FUT8: variants seen among roughly 807,000 people sequenced by gnomAD.
FUT8 encodes the protein alpha-(1,6)-fucosyltransferase.
FUT8 carries 29 observed loss-of-function variants against 71.3 expected under a neutral mutation model. That is an observed-to-expected ratio of 0.41 (90% CI 0.30 to 0.55). The LOEUF (loss-of-function observed/expected upper bound fraction) is 0.55. Ranked by LOEUF, FUT8 falls within the 20% of genes least tolerant of loss-of-function variation. The pLI is 0.34. For synonymous variants in FUT8, 254 were observed against 239.3 expected, an observed-to-expected ratio of 1.06 and a Z score of -0.57; for missense variants, 544 against 702.1, an observed-to-expected ratio of 0.77 and a Z score of 2.55.
intron 2 of FUT8, among the ~76,000 whole-genome samples, chr14:65,518,069 C>G (rs1882831438): frequency 6.6e-6 from 1 of 152,110 alleles, no homozygotes; most frequent in Admixed American, 6.5e-5. Flanking sequence ...CAGAATAAGT[C>G]TTTTATGAAT....
intron 1 of FUT8, among the ~76,000 whole-genome samples, chr14:65,444,209 A>G (rs976691691): frequency 1.3e-5 from 2 of 152,224 alleles, no homozygotes; most frequent in African/African-American, 2.4e-5. Context: ...ACATAAACCT[A>G]TTTATCCAGT....
chr14:65,688,781 G>C (rs904680066), intron 7 of FUT8, among the ~76,000 whole-genome samples: 5 of 152,164 alleles, frequency 3.3e-5, no homozygotes, highest in Non-Finnish European at 7.3e-5. Context: ...GTAAGAAACT[G>C]CCAAATTATC....
At chr14:65,640,785 C>A (rs1461706668) in intron 6 of FUT8, among the ~76,000 whole-genome samples, 2 of 152,064 alleles carry the variant, frequency 1.3e-5, no homozygotes, top group Non-Finnish European at 2.9e-5. Flanking sequence ...GTGCTATACT[C>A]CAGAGCCTGG....
intron 3 of FUT8, among the ~76,000 whole-genome samples, chr14:65,615,487 C>A (rs1401873216): frequency 6.6e-6 from 1 of 152,122 alleles, no homozygotes; most frequent in East Asian, 1.9e-4. Context: ...AGTCTAATGT[C>A]ATGAATTGAA....
intron 1 of FUT8, among the ~76,000 whole-genome samples, chr14:65,423,597 C>T (rs891395827): frequency 3.9e-5 from 6 of 152,142 alleles, no homozygotes; most frequent in Admixed American, 6.6e-5. Flanking sequence ...TCTGGAAAGT[C>T]GTCTGCTGCC....
chr14:65,560,214 GC>G (rs11285953), intron 2 of FUT8, among the ~76,000 whole-genome samples: 18,637 of 151,910 alleles, frequency 0.12, 1,427 homozygotes, highest in East Asian at 0.34. Context: ...GTGGTCAAGT[GC>G]CCCTCACATT....
rs535081259 is a variant in FUT8, at chr14:65,594,003, C to T, written c.204-21975C>T. ...GGGATTACAGGCATGAGCCACTGCT[C>T]CCGGCCTAAGATGTGCTTTCTAACA... On this transcript the variant is annotated intron_variant, in intron 3 of 10. Transcript: ENST00000673929. 1.7e-4 allele frequency among the ~76,000 whole-genome samples: 26 copies of T among 152,366 alleles called. No individual in the cohort carries two copies. In the South Asian group the frequency reaches 5.4e-3, roughly 32 times the overall value.
intron 1 of FUT8, among the ~76,000 whole-genome samples, chr14:65,419,828 A>G (rs529554386): frequency 6.6e-6 from 1 of 152,316 alleles, no homozygotes; most frequent in South Asian, 2.1e-4. Context: ...CCCCCTCAAC[A>G]GCGTGAGAAA....
Position 65,589,646 on chromosome 14 carries a change from G to A in FUT8, c.204-26332G>A, listed in dbSNP as rs373729295. 1.4e-3 allele frequency among the ~76,000 whole-genome samples: 213 copies of A among 151,860 alleles called. 7 individuals are homozygous for A. The South Asian group carries it at 0.038, about 27-fold the overall frequency. The stretch of plus-strand genomic sequence containing the variant: ...TTTTTAGTAGAGACGGGGTTTCACC[G>A]TGTTAGCCAGGATGGTCTCGATCTC... On this transcript the variant is annotated intron_variant, in intron 3 of 10. Coordinates refer to ENST00000673929, the MANE Select transcript of FUT8 (RefSeq NM_001371533.1).
chr14:65,621,706 C>T (rs545951393), intron 5 of FUT8, among the ~76,000 whole-genome samples: 34 of 152,046 alleles, frequency 2.2e-4, no homozygotes, highest in African/African-American at 4.6e-4. Flanking sequence ...GGATTACAGT[C>T]GCCTGCCACT....
At position 65,647,377 on chromosome 14, in the gene FUT8, C is replaced by T. The variant is rs576108033; in HGVS notation, c.597+17771C>T. Among the ~76,000 whole-genome samples the T allele has an allele frequency of 2.0e-5, 3 of 152,268 alleles. No individual in the cohort carries two copies. In the South Asian group the frequency reaches 6.2e-4, roughly 32 times the overall value. ...ATTATGCAAAGTAACTCTTATGATGCAGGTGTTGTAATGTTCAATATGCAG... is the reference window on the plus strand; with the variant it reads ...ATTATGCAAAGTAACTCTTATGATGTAGGTGTTGTAATGTTCAATATGCAG... On this transcript the variant is annotated intron_variant, in intron 6 of 10. Transcript: ENST00000673929.
intron 2 of FUT8, among the ~76,000 whole-genome samples, chr14:65,544,426 A>G (rs1336994662): frequency 2.0e-5 from 3 of 152,158 alleles, no homozygotes; most frequent in African/African-American, 4.8e-5. Context: ...TCATGGTGCC[A>G]ATCAAGTATA....
chr14:65,681,080 C>G (rs1257894303), intron 7 of FUT8, among the ~76,000 whole-genome samples: 1 of 152,170 alleles, frequency 6.6e-6, no homozygotes, highest in African/African-American at 2.4e-5. Context: ...TGATATTTCC[C>G]TCCAATTGTC....
chr14:65,448,502 T>G (rs2065776219), intron 1 of FUT8, among the ~76,000 whole-genome samples: 1 of 152,212 alleles, frequency 6.6e-6, no homozygotes, highest in South Asian at 2.1e-4. Context: ...TCATAAATAT[T>G]GTACTGTTTG....
intron 7 of FUT8, among the ~76,000 whole-genome samples, chr14:65,709,166 C>A (rs1894699364): frequency 2.0e-5 from 3 of 151,834 alleles, no homozygotes; most frequent in Admixed American, 2.0e-4. Context: ...TAAAACAAAA[C>A]AAATATGTAG....
intron 10 of FUT8, among the ~76,000 whole-genome samples, chr14:65,735,637 T>C (rs1896182762): frequency 6.6e-6 from 1 of 152,116 alleles, no homozygotes; most frequent in African/African-American, 2.4e-5. Context: ...ACAATAAAAG[T>C]TTAACAGTAG....
chr14:65,551,536 A>G (rs1052815525), intron 2 of FUT8, among the ~76,000 whole-genome samples: 2 of 152,276 alleles, frequency 1.3e-5, no homozygotes, highest in Non-Finnish European at 2.9e-5. Context: ...GATCTTACGT[A>G]AAGTATTCTT....
chr14:65,723,482 G>GAAATA (rs1895529534), intron 8 of FUT8, among the ~76,000 whole-genome samples: 3 of 152,098 alleles, frequency 2.0e-5, no homozygotes, highest in African/African-American at 4.8e-5. Flanking sequence ...ATTAATATCT[G>GAAATA]CTGTCATTTG....
intron 2 of FUT8, among the ~76,000 whole-genome samples, chr14:65,527,969 G>A (rs140468390): frequency 2.0e-4 from 30 of 152,328 alleles, no homozygotes; most frequent in African/African-American, 7.0e-4. Flanking sequence ...ACTGGGGGGT[G>A]CCTCCCAGTT....
Sources: gnomAD v4.1 joint callset for allele counts (sites outside exome capture counted in the v4.1 genomes callset) on GRCh38, gnomAD v4.1.1 for gene constraint, MANE v1.5 for transcripts, NCBI Gene and HGNC (gene_info 2026-07-23, HGNC 2026-07-21) for gene names.